WNT10A: variants seen among roughly 807,000 people sequenced by gnomAD.
The protein encoded by WNT10A is protein Wnt-10a.
In WNT10A, 37 loss-of-function variants were observed where a neutral mutation model predicts 36.1. The ratio of observed to expected loss-of-function variants is 1.02; its 90% CI spans 0.79 to 1.35. WNT10A has a LOEUF of 1.35. WNT10A is among the 40% of genes most tolerant of loss of function. The pLI, the probability that WNT10A is intolerant of heterozygous loss-of-function variation, is 0.00. For missense variants in WNT10A, 613 were observed against 601.4 expected (o/e 1.02, Z -0.20); for synonymous variants, 255 against 254.1 (o/e 1.00, Z -0.03).
intron 2 of WNT10A, chr2:218,883,939 C>T (rs1376899932): frequency 6.6e-6 from 1 of 152,440 alleles, no homozygotes. Context: ...CTCCTACCCT[C>T]GGGTTTCTAG....
intron 2 of WNT10A, among the ~76,000 whole-genome samples, chr2:218,888,418 C>A (rs1290440191): frequency 6.6e-6 from 1 of 152,254 alleles, no homozygotes; most frequent in African/African-American, 2.4e-5. Context: ...CCAGGCCGGC[C>A]TAGCCGCGGC....
In WNT10A at chr2:218,893,133, C is replaced by T. The variant is rs528163562; in HGVS notation, c.1116C>T (p.Cys372=). Reference sequence around the variant, plus strand: ...AGAGCAGCGCCGGCTCGGATGGCTGCGGCAGCATGTGCTGCGGCCGCGGCC... The same window carrying T: ...AGAGCAGCGCCGGCTCGGATGGCTGTGGCAGCATGTGCTGCGGCCGCGGCC... ...CNKSSAGSDG[C]GSMCCGRGHN... is the part of the protein sequence containing the mutation. The change falls in exon 4 of 4, where the codon TGC becomes TGT. Residue 372 remains cysteine, a synonymous_variant. Coordinates refer to ENST00000258411, the MANE Select transcript of WNT10A (RefSeq NM_025216.3). The surrounding 1 kb of genome is among the most constrained non-coding windows in gnomAD (Gnocchi z 6.3). 13 of 1,593,340 alleles carry T rather than the reference C, an allele frequency of 8.2e-6. No homozygotes were observed. The South Asian group carries it at 1.1e-4, about 14-fold the overall frequency.
Position 218,893,088 on chromosome 2 carries a change from CG to C in WNT10A, c.1072del (p.Val358TrpfsTer80). The C allele has an allele frequency of 6.3e-7, 1 of 1,596,530 alleles. No individual in the cohort carries two copies. Among genetic ancestry groups the C allele is most frequent in the Non-Finnish European group, 8.5e-7 (1 of 1,179,160 alleles). On this transcript the variant is annotated frameshift_variant, in exon 4 of 4. Transcript: ENST00000258411. LOFTEE classifies it high-confidence loss of function. The surrounding 1 kb of genome is among the most constrained non-coding windows in gnomAD (Gnocchi z 6.3). ...AGCCGCGCCTGGACTCGGCGGGCAC[CG>C]TGGGCCGCCTGTGCAACAAGAGCAG... Reference protein sequence around the residue: ...REPRLDSAGTVGRLCNKSSAG... With the variant: ...REPRLDSAGTXGRLCNKSSAG...
chr2:218,876,671 G>A (rs1392378536), upstream of WNT10A, among the ~76,000 whole-genome samples: 1 of 152,188 alleles, frequency 6.6e-6, no homozygotes, highest in Admixed American at 6.5e-5. Flanking sequence ...GAGAAATGAA[G>A]CTCCCTGAGG....
At chr2:218,886,473 A>C (rs893833872) in intron 2 of WNT10A, among the ~76,000 whole-genome samples, 2 of 148,144 alleles carry the variant, frequency 1.4e-5, no homozygotes, top group Admixed American at 6.7e-5. Flanking sequence ...TCTCTCCTCC[A>C]CCCTCCCCTA....
chr2:218,877,981 G>A (rs374569951), upstream of WNT10A, among the ~76,000 whole-genome samples: 3 of 152,102 alleles, frequency 2.0e-5, no homozygotes, highest in East Asian at 1.9e-4. The surrounding 1 kb of genome is among the most constrained non-coding windows in gnomAD (Gnocchi z 4.1). Context: ...ATGCTTCCCC[G>A]GCCCTTCCTC....
chr2:218,885,511 G>C (rs537314331), intron 2 of WNT10A, among the ~76,000 whole-genome samples: 3 of 152,200 alleles, frequency 2.0e-5, no homozygotes, highest in African/African-American at 7.2e-5. Context: ...AGAGGTCAGG[G>C]AGAGGCTTGA....
Position 218,882,145 on chromosome 2 carries a change from C to T in WNT10A, c.114-16C>T, listed in dbSNP as rs2106011449. On this transcript the variant is annotated splice_polypyrimidine_tract_variant and intron_variant, in intron 1 of 3. Transcript: ENST00000258411. ...CCCCCCAAAACACGTACCCACTCCACCCCATATGTCTGCAGGTCAGCACCC... is the reference window on the plus strand; with the variant it reads ...CCCCCCAAAACACGTACCCACTCCATCCCATATGTCTGCAGGTCAGCACCC... 6.2e-6 allele frequency: 10 copies of T among 1,613,202 alleles called. No homozygotes were observed. The highest frequency in any genetic ancestry group is 3.3e-4 in the Middle Eastern group (2 of 6,056).
In WNT10A at chr2:218,893,103, C is replaced by T; in HGVS notation, c.1086C>T (p.Cys362=). Residue 362 remains cysteine (C), a synonymous_variant, in exon 4 of 4, where the codon TGC becomes TGT. Transcript: ENST00000258411. This position sits in a 1 kb window ranked among gnomAD's most constrained non-coding sequence, Gnocchi z 6.3. ...CGGCGGGCACCGTGGGCCGCCTGTG[C>T]AACAAGAGCAGCGCCGGCTCGGATG... The part of the protein sequence containing the change: ...LDSAGTVGRL[C]NKSSAGSDGC... The T allele has an allele frequency of 6.3e-7, 1 of 1,596,436 alleles. No individual in the cohort carries two copies. The highest frequency in any genetic ancestry group is 8.5e-7 in the Non-Finnish European group (1 of 1,179,050).
intron 2 of WNT10A, among the ~76,000 whole-genome samples, chr2:218,888,462 C>T (rs1944607886): frequency 6.6e-6 from 1 of 152,194 alleles, no homozygotes; most frequent in Non-Finnish European, 1.5e-5. Context: ...AAAATCTGTG[C>T]CTCCTGAACA....
the WNT10A span, among the ~76,000 whole-genome samples, chr2:218,875,345 C>T: frequency 2.6e-5 from 4 of 151,474 alleles, no homozygotes; most frequent in African/African-American, 9.7e-5. Flanking sequence ...CCCACCACCA[C>T]ACTTGGATAC....
At chr2:218,874,893 A>G in the WNT10A span, among the ~76,000 whole-genome samples, 2 of 152,140 alleles carry the variant, frequency 1.3e-5, no homozygotes, top group Admixed American at 6.5e-5. Context: ...CAAAGTAATC[A>G]CTTCTCAGGA....
intron 2 of WNT10A, among the ~76,000 whole-genome samples, chr2:218,883,543 C>G (rs978169219): frequency 6.6e-6 from 1 of 150,504 alleles, no homozygotes; most frequent in Non-Finnish European, 1.5e-5. Context: ...CCGCCCCGCC[C>G]CGCCCCGCCC....
Position 218,881,165 on chromosome 2 carries a change from G to T in WNT10A, c.113+57G>T, listed in dbSNP as rs527797124. 2.2e-5 allele frequency: 34 copies of T among 1,551,294 alleles called. No homozygotes were observed. The Middle Eastern group carries it at 2.8e-3, about 129-fold the overall frequency. On this transcript the variant is annotated intron_variant, in intron 1 of 3. Transcript: ENST00000258411. ...GAGAGTTGGGACCCCGGCCTGCAGG[G>T]GCCTCTGATGCTCTTGCTGGGGTAG...
chr2:218,875,159 C>CTTTTTTTTTTTTTTTTTTTTTT, the WNT10A span, among the ~76,000 whole-genome samples: 1 of 36,862 alleles, frequency 2.7e-5, no homozygotes, highest in Non-Finnish European at 6.1e-5. Flanking sequence ...GACTGACTTT[C>CTTTTTTTTTTTTTTTTTTTTTT]TTTTTTTTTT....
intron 2 of WNT10A, among the ~76,000 whole-genome samples, chr2:218,888,672 A>C (rs139812068): frequency 6.6e-6 from 1 of 152,294 alleles, no homozygotes; most frequent in East Asian, 1.9e-4. Flanking sequence ...GTGGACAAGC[A>C]AGGGGAAGCT....
Position 218,890,491 on chromosome 2 carries a change from C to G in WNT10A, c.756+128C>G, listed in dbSNP as rs374039983. On this transcript the variant is annotated intron_variant, in intron 3 of 3. Transcript: ENST00000258411. ...ACACCTTGGCAATCTTCTCGTTGAC[C>G]CTGTCTAATTCAACAAACATGCACT... 18 of 1,363,400 alleles carry G rather than the reference C, an allele frequency of 1.3e-5. 1 individual carries two copies. The highest frequency in any genetic ancestry group is 9.7e-5 in the East Asian group (4 of 41,234). 84.5% of individuals were successfully genotyped at this position (1,363,400 alleles called of 1,614,324 possible).
At chr2:218,880,616 AG>A (rs1474425705), upstream of WNT10A, 2 of 199,660 alleles carry the variant, frequency 1.0e-5, no homozygotes, top group African/African-American at 4.7e-5. The surrounding 1 kb of genome is among the most constrained non-coding windows in gnomAD (Gnocchi z 7.7). Context: ...TCGGAAGCGC[AG>A]GCTCCCGGCG....
rs752005843 is a variant in WNT10A at position 218,892,931 on chromosome 2, G to GCAA, written c.916_918dup (p.Asn306dup). On this transcript the variant is annotated inframe_insertion, in exon 4 of 4. Coordinates refer to ENST00000258411, the MANE Select transcript of WNT10A (RefSeq NM_025216.3). ...GCCACGCTCATCCGGCCGCACAACCGCAACGGCGGCCAGCTGGAGCCGGGC... is the reference window on the plus strand; with the variant it reads ...GCCACGCTCATCCGGCCGCACAACCGCAACAACGGCGGCCAGCTGGAGCCGGGC... 5 of 1,483,898 alleles carry GCAA rather than the reference G, an allele frequency of 3.4e-6. No individual in the cohort carries two copies. The East Asian group carries it at 1.4e-4, about 42-fold the overall frequency. 91.9% of individuals were successfully genotyped at this position (1,483,898 alleles called of 1,614,324 possible). A position where few individuals can be genotyped will look rare whatever the true frequency, so the allele number is the denominator to read the frequency against.
Sources: allele counts gnomAD v4.1 joint callset (sites outside exome capture counted in the v4.1 genomes callset), GRCh38; gene constraint gnomAD v4.1.1; non-coding constraint Gnocchi (gnomAD v3.1); transcripts MANE v1.5; gene names NCBI Gene and HGNC (gene_info 2026-07-23, HGNC 2026-07-21).